Variants in DPP4 observed in about 807,000 individuals in gnomAD.
DPP4 encodes the protein dipeptidyl peptidase 4.
DPP4 carries 93 observed loss-of-function variants against 122.4 expected under a neutral mutation model. The ratio of observed to expected loss-of-function variants is 0.76; its 90% CI spans 0.64 to 0.90. DPP4 has a LOEUF of 0.90. Ranked by LOEUF, DPP4 falls within the 40% of genes least tolerant of loss-of-function variation. The pLI is 0.00. For missense variants in DPP4, 914 were observed against 907.3 expected, an observed-to-expected ratio of 1.01 and a Z score of -0.09; for synonymous variants, 321 against 302.9, an observed-to-expected ratio of 1.06 and a Z score of -0.62.
chr2:162,005,828 TAA>T lies in DPP4; in HGVS notation c.1988-21_1988-20del. ...ACTGAGTCTGTGAAAGAAAAAAAAA[TAA>T]AAAAAAGTTTAATTCATACAATAAC... On this transcript the variant is annotated intron_variant, in intron 22 of 25. Coordinates refer to ENST00000360534, the MANE Select transcript of DPP4 (RefSeq NM_001935.4). 1.9e-6 allele frequency: 3 copies of T among 1,599,092 alleles called. No homozygotes were observed. The highest frequency in any genetic ancestry group is 2.6e-6 in the Non-Finnish European group (3 of 1,172,076).
chr2:162,002,493 T>A (rs1033076790), intron 23 of DPP4, among the ~76,000 whole-genome samples: 1 of 152,200 alleles, frequency 6.6e-6, no homozygotes, highest in East Asian at 1.9e-4. Context: ...ACTTTGGTCA[T>A]TCCTAATCCT....
intron 11 of DPP4, among the ~76,000 whole-genome samples, chr2:162,023,799 C>A (rs1396218564): frequency 6.6e-6 from 1 of 152,180 alleles, no homozygotes; most frequent in Non-Finnish European, 1.5e-5. Context: ...CTGTGACCTG[C>A]GCTAGCTCCT....
At chr2:162,046,809 C>T (rs748386235) in intron 4 of DPP4, 106 bp downstream of exon 4, 77 of 781,790 alleles carry the variant, frequency 9.8e-5, no homozygotes, top group Non-Finnish European at 1.5e-4. Flanking sequence ...CCATATGCTG[C>T]AGAAAGAGTC....
chr2:162,038,062 A>T (rs536620840), intron 8 of DPP4, among the ~76,000 whole-genome samples: 1 of 152,306 alleles, frequency 6.6e-6, no homozygotes, highest in East Asian at 1.9e-4. Context: ...AGCCCTTTGT[A>T]TCAATATAAC....
At chr2:162,011,079 T>C (rs776687718) in intron 20 of DPP4, among the ~76,000 whole-genome samples, 1 of 152,122 alleles carries the variant, frequency 6.6e-6, no homozygotes, top group Non-Finnish European at 1.5e-5. Context: ...AATTAAAATA[T>C]GGGGTAAGAA....
At position 162,035,206 on chromosome 2, in the gene DPP4, C is replaced by T. The variant is rs1394583164; in HGVS notation, c.732G>A (p.Glu244=). The T allele has an allele frequency of 4.3e-6, 7 of 1,613,978 alleles. No individual in the cohort carries two copies. The East Asian group carries it at 1.6e-4, about 36-fold the overall frequency. The stretch of plus-strand genomic sequence containing the variant: ...GTACAGTCTTTGGGTACTGCAGTGA[C>T]TCATCAGAGTAGAAGGAGTATTCAA... The part of the protein sequence containing the change: ...PLIEYSFYSD[E]SLQYPKTVRV... Residue 244 remains glutamate (E), a synonymous_variant, in exon 9 of 26, where the codon GAG becomes GAA. Transcript: ENST00000360534.
At chr2:162,044,882 G>C (rs540980227) in intron 5 of DPP4, among the ~76,000 whole-genome samples, 23 of 152,252 alleles carry the variant, frequency 1.5e-4, no homozygotes, top group African/African-American at 5.5e-4. Flanking sequence ...CCGAAGGTTG[G>C]GAGATGGTCT....
intron 2 of DPP4, among the ~76,000 whole-genome samples, chr2:162,064,520 G>A (rs992696170): frequency 2.6e-5 from 4 of 151,846 alleles, no homozygotes; most frequent in African/African-American, 7.3e-5. Context: ...ACTTTCCTGG[G>A]TTAACTTTAG....
intron 2 of DPP4, among the ~76,000 whole-genome samples, chr2:162,053,861 G>A (rs1192030465): frequency 6.6e-6 from 1 of 152,226 alleles, no homozygotes; most frequent in African/African-American, 2.4e-5. Flanking sequence ...AGAAGCTACT[G>A]CAGAGTCCCA....
At position 162,018,845 on chromosome 2, in the gene DPP4, T is replaced by TG. The variant is rs757641356; in HGVS notation, c.1303dup (p.Gln435ProfsTer3). ...TGTCACTTTTGTATAGTCACTAAGT[T>TG]GGATTCTGTAAAACCAACGGTGGAA... On this transcript the variant is annotated frameshift_variant, in exon 16 of 26. Coordinates refer to ENST00000360534, the MANE Select transcript of DPP4 (RefSeq NM_001935.4). LOFTEE classifies it high-confidence loss of function. 6.2e-7 allele frequency: 1 copy of TG among 1,613,954 alleles called. No individual in the cohort carries two copies. The highest frequency in any genetic ancestry group is 1.7e-5 in the Admixed American group (1 of 59,950).
chr2:162,066,436 T>C (rs1379311168), intron 2 of DPP4, among the ~76,000 whole-genome samples: 2 of 152,258 alleles, frequency 1.3e-5, no homozygotes, highest in Admixed American at 6.5e-5. Context: ...CTCAAAATCA[T>C]ACTTGGAATA....
At chr2:162,016,707 C>A in intron 18 of DPP4, 61 bp downstream of exon 18, 2 of 1,076,190 alleles carry the variant, frequency 1.9e-6, no homozygotes, top group Non-Finnish European at 2.7e-6. Context: ...GATCGAATTA[C>A]TATAGTTAGA....
At chr2:162,024,429 C>T (rs754253455) in intron 11 of DPP4, among the ~76,000 whole-genome samples, 2 of 152,226 alleles carry the variant, frequency 1.3e-5, no homozygotes, top group Non-Finnish European at 2.9e-5. Context: ...CACACTCAGC[C>T]AGTTATTCCC....
Position 162,008,577 on chromosome 2 carries a change from G to C in DPP4, c.1972C>G (p.Arg658Gly). ...KCGIAVAPVSRWEYYDSVYTE... is the reference protein window; with the variant it reads ...KCGIAVAPVSGWEYYDSVYTE... ...AATTACATACCATAGTACTCCCACC[G>C]GGATACAGGCGCCACGGCTATTCCA... The change falls in exon 22 of 26, where the codon CGG becomes GGG. Residue 658 changes from arginine to glycine, a missense_variant. Physicochemically the swap from Arg to Gly is moderately radical, Grantham distance 125. Transcript: ENST00000360534. The C allele has an allele frequency of 6.2e-7, 1 of 1,613,446 alleles. No individual in the cohort carries two copies. Among genetic ancestry groups the C allele is most frequent in the Non-Finnish European group, 8.5e-7 (1 of 1,179,654 alleles).
chr2:162,043,221 G>A (rs1378948561), intron 5 of DPP4, among the ~76,000 whole-genome samples: 2 of 152,114 alleles, frequency 1.3e-5, no homozygotes, highest in South Asian at 2.1e-4. Flanking sequence ...CAGATGAGAC[G>A]AGAAGCTCTG....
At chr2:162,043,759 G>A (rs923363806) in intron 5 of DPP4, among the ~76,000 whole-genome samples, 1 of 152,168 alleles carries the variant, frequency 6.6e-6, no homozygotes, top group Admixed American at 6.5e-5. Context: ...CAGGCACAGT[G>A]GCTCATGCCT....
intron 23 of DPP4, among the ~76,000 whole-genome samples, chr2:162,002,782 A>G (rs1701183861): frequency 6.6e-6 from 1 of 152,132 alleles, no homozygotes; most frequent in Non-Finnish European, 1.5e-5. Flanking sequence ...GGAAAATAGA[A>G]TCTTTGAATG....
At chr2:162,035,456 G>A in intron 8 of DPP4, 132 bp from the exon 9 acceptor site, 1 of 727,758 alleles carries the variant, frequency 1.4e-6, no homozygotes, top group Non-Finnish European at 2.2e-6. Context: ...CATTTGCTGG[G>A]CTTCCAAAAT....
chr2:162,025,040 T>A, intron 10 of DPP4, 101 bp from the exon 11 acceptor site: 1 of 1,288,206 alleles, frequency 7.8e-7, no homozygotes, highest in Admixed American at 2.4e-5. Flanking sequence ...AAGAAATCAA[T>A]CTTAATGGGA....
Sources: gnomAD v4.1 joint callset for allele counts (sites outside exome capture counted in the v4.1 genomes callset) on GRCh38, gnomAD v4.1.1 for gene constraint, MANE v1.5 for transcripts, NCBI Gene and HGNC (gene_info 2026-07-23, HGNC 2026-07-21) for gene names.